The following TMEM178B variants were observed in gnomAD, a reference collection of about 807,000 sequenced individuals.
TMEM178B encodes the protein transmembrane protein 178B.
A neutral mutation model predicts 31.0 loss-of-function variants in TMEM178B; 5 were observed. The ratio of observed to expected loss-of-function variants is 0.16; its 90% CI spans 0.08 to 0.34. The LOEUF (loss-of-function observed/expected upper bound fraction) is 0.34, where lower values mean the gene tolerates loss of function less well. TMEM178B is among the 10% of genes least tolerant of loss of function. The pLI is 1.00. For synonymous variants in TMEM178B, 164 were observed against 164.0 expected, an observed-to-expected ratio of 1.00 and a Z score of 0.00; for missense variants, 275 against 400.3, an observed-to-expected ratio of 0.69 and a Z score of 2.67.
At chr7:141,301,489 T>C (rs1479207249) in intron 2 of TMEM178B, among the ~76,000 whole-genome samples, 2 of 152,156 alleles carry the variant, frequency 1.3e-5, no homozygotes, top group Non-Finnish European at 2.9e-5. Flanking sequence ...TAGGAGATAA[T>C]GAGTAATCAA....
At chr7:141,119,511 G>A (rs994207207) in intron 1 of TMEM178B, among the ~76,000 whole-genome samples, 2 of 152,148 alleles carry the variant, frequency 1.3e-5, no homozygotes, top group South Asian at 2.1e-4. Flanking sequence ...GCCTAATGTC[G>A]ATTGCTCACT....
chr7:141,463,510 G>A (rs1802097644), intron 3 of TMEM178B, among the ~76,000 whole-genome samples: 1 of 152,174 alleles, frequency 6.6e-6, no homozygotes, highest in Non-Finnish European at 1.5e-5. Flanking sequence ...AAGCTATTCT[G>A]GCCAAATAGA....
intron 2 of TMEM178B, among the ~76,000 whole-genome samples, chr7:141,402,053 A>G (rs1426966928): frequency 6.6e-6 from 1 of 152,196 alleles, no homozygotes; most frequent in Non-Finnish European, 1.5e-5. Flanking sequence ...GCAAACATTT[A>G]CTGAATGCTG....
intron 1 of TMEM178B, among the ~76,000 whole-genome samples, chr7:141,121,787 A>G (rs563137249): frequency 6.6e-6 from 1 of 152,242 alleles, no homozygotes; most frequent in East Asian, 1.9e-4. Context: ...ACCTGGTATC[A>G]TTGTCTTAGG....
At chr7:141,204,707 C>G (rs1338517392) in intron 1 of TMEM178B, among the ~76,000 whole-genome samples, 1 of 152,204 alleles carries the variant, frequency 6.6e-6, no homozygotes, top group African/African-American at 2.4e-5. Context: ...CTCAATTTAC[C>G]TAGTAGATCA....
At chr7:141,170,366 C>T (rs946950299) in intron 1 of TMEM178B, among the ~76,000 whole-genome samples, 6 of 152,144 alleles carry the variant, frequency 3.9e-5, no homozygotes, top group African/African-American at 7.2e-5. Flanking sequence ...TATAATCCGT[C>T]TTACAGTGGA....
rs1316875517 is a variant in TMEM178B at position 141,479,743 on chromosome 7, G to A, written c.*8957G>A. The stretch of plus-strand genomic sequence containing the variant: ...GACAAAACTCTCAAACGCCTGGAGT[G>A]TTTATGGCCCACCAGATTATTGCTC... On this transcript the variant is annotated 3_prime_UTR_variant, in exon 4 of 4. Transcript: ENST00000565468. The A allele has an allele frequency of 6.6e-6, 1 of 152,138 alleles. No homozygotes were observed. The highest frequency in any genetic ancestry group is 1.5e-5 in the Non-Finnish European group (1 of 68,026). The allele number at this position is 152,138 out of a possible 1,614,324, so 9.4% of individuals were successfully genotyped here. A position where few individuals can be genotyped will look rare whatever the true frequency, so the allele number is the denominator to read the frequency against.
At chr7:141,265,663 C>T (rs1049207072) in intron 2 of TMEM178B, among the ~76,000 whole-genome samples, 76 of 152,104 alleles carry the variant, frequency 5.0e-4, no homozygotes, top group African/African-American at 1.7e-3. Context: ...AGGTGGGGCA[C>T]GTCTCTTTTG....
chr7:141,285,177 T>TTTTTTC (rs1233859035), intron 2 of TMEM178B, among the ~76,000 whole-genome samples: 7 of 140,168 alleles, frequency 5.0e-5, no homozygotes, highest in Non-Finnish European at 6.1e-5. Flanking sequence ...TTTTTTTTTT[T>TTTTTTC]TGAGACGTAG....
intron 2 of TMEM178B, among the ~76,000 whole-genome samples, chr7:141,316,321 G>A (rs1238359303): frequency 6.6e-6 from 1 of 152,120 alleles, no homozygotes; most frequent in South Asian, 2.1e-4. Flanking sequence ...TATAAATGCT[G>A]GTTATAAAAG....
chr7:141,437,706 C>A lies in TMEM178B; in HGVS notation c.595C>A (p.Leu199Ile). Residue 199 changes from leucine (L) to isoleucine (I), a missense_variant, in exon 3 of 4, where the codon CTT (leucine) becomes ATT (isoleucine). Coordinates refer to ENST00000565468, the MANE Select transcript of TMEM178B (RefSeq NM_001195278.2). Reference sequence around the variant, plus strand: ...GCTGGGCTGCTGCTGGGACCGAGGCCTTATGCAGTACGTGGCAGGGCTGCT... The same window carrying A: ...GCTGGGCTGCTGCTGGGACCGAGGCATTATGCAGTACGTGGCAGGGCTGCT... Reference protein sequence around the residue: ...GVLGCCWDRGLMQYVAGLLFL... With the variant: ...GVLGCCWDRGIMQYVAGLLFL... The A allele has an allele frequency of 2.0e-6, 3 of 1,536,174 alleles. No individual in the cohort carries two copies. Among genetic ancestry groups the A allele is most frequent in the Non-Finnish European group, 1.7e-6 (2 of 1,146,918 alleles).
intron 1 of TMEM178B, among the ~76,000 whole-genome samples, chr7:141,099,834 T>C (rs1358153512): frequency 1.3e-5 from 2 of 148,296 alleles, no homozygotes; most frequent in South Asian, 2.1e-4. Context: ...CGGTGTCTCT[T>C]TTTTTTTTTT....
intron 2 of TMEM178B, among the ~76,000 whole-genome samples, chr7:141,346,941 T>C (rs1799629952): frequency 6.6e-6 from 1 of 152,072 alleles, no homozygotes. Flanking sequence ...TGGTGTCTAG[T>C]GGTTTAGCAC....
At chr7:141,197,553 G>C (rs529036066) in intron 1 of TMEM178B, among the ~76,000 whole-genome samples, 1 of 152,328 alleles carries the variant, frequency 6.6e-6, no homozygotes, top group African/African-American at 2.4e-5. Context: ...TTTGTGAGTA[G>C]ACAGAGGTAT....
At chr7:141,482,450 G>T (rs966778226), downstream of TMEM178B, among the ~76,000 whole-genome samples, 1 of 152,190 alleles carries the variant, frequency 6.6e-6, no homozygotes, top group Non-Finnish European at 1.5e-5. Context: ...GAAGCACAGG[G>T]ATTCTGACTT....
At chr7:141,193,648 G>C (rs1285198957) in intron 1 of TMEM178B, among the ~76,000 whole-genome samples, 1 of 152,222 alleles carries the variant, frequency 6.6e-6, no homozygotes, top group Non-Finnish European at 1.5e-5. Context: ...TCAACTTCAA[G>C]GGGACCTGGA....
chr7:141,443,259 A>G (rs1801694348), intron 3 of TMEM178B, among the ~76,000 whole-genome samples: 1 of 152,220 alleles, frequency 6.6e-6, no homozygotes, highest in African/African-American at 2.4e-5. Flanking sequence ...ATTTGTTATT[A>G]CTAATGAGTA....
chr7:141,312,406 T>G (rs1365725442), intron 2 of TMEM178B, among the ~76,000 whole-genome samples: 1 of 152,206 alleles, frequency 6.6e-6, no homozygotes, highest in Non-Finnish European at 1.5e-5. Flanking sequence ...GTGAGAAACT[T>G]GAGTAATCAT....
intron 2 of TMEM178B, among the ~76,000 whole-genome samples, chr7:141,242,352 C>T (rs1797636502): frequency 1.3e-5 from 2 of 151,332 alleles, no homozygotes; most frequent in Admixed American, 1.3e-4. Flanking sequence ...TCAATAGCCA[C>T]ATGCCCGGCT....
Sources: allele counts gnomAD v4.1 joint callset (sites outside exome capture counted in the v4.1 genomes callset), GRCh38; gene constraint gnomAD v4.1.1; transcripts MANE v1.5; gene names NCBI Gene and HGNC (gene_info 2026-07-23, HGNC 2026-07-21).